The following VPS13B variants were observed in gnomAD, a reference collection of about 807,000 sequenced individuals.
VPS13B encodes intermembrane lipid transfer protein VPS13B.
VPS13B carries 285 observed loss-of-function variants against 426.4 expected under a neutral mutation model. The observed-to-expected ratio is 0.67, with a 90% CI of 0.61 to 0.74. The LOEUF (loss-of-function observed/expected upper bound fraction) is 0.74, where lower values mean the gene tolerates loss of function less well. Among genes scored for constraint, VPS13B ranks in the 30% least tolerant of loss-of-function variants. The pLI is 0.00. For missense variants in VPS13B, 4,537 were observed against 4,782.6 expected (o/e 0.95, Z 1.51); for synonymous variants, 1,676 against 1,676.4 (o/e 1.00, Z 0.01).
chr8:99,522,807 A>G lies in VPS13B; in HGVS notation c.4745+1797A>G, dbSNP rs192148604. Reference sequence around the variant, plus strand: ...CTACATAAACAAACTAACAAAAGGTATTCATATAAGAGTTTATCAAAAATG... The same window carrying G: ...CTACATAAACAAACTAACAAAAGGTGTTCATATAAGAGTTTATCAAAAATG... On this transcript the variant is annotated intron_variant, in intron 30 of 61. Transcript: ENST00000357162. 1.9e-4 allele frequency among the ~76,000 whole-genome samples: 29 copies of G among 152,370 alleles called. 1 individual carries two copies. In the East Asian group the frequency reaches 4.6e-3, roughly 24 times the overall value.
At chr8:99,809,973 G>A (rs1411374665) in intron 44 of VPS13B, among the ~76,000 whole-genome samples, 2 of 152,190 alleles carry the variant, frequency 1.3e-5, no homozygotes, top group East Asian at 3.9e-4. Flanking sequence ...TCCCATGACA[G>A]AGTGGGCCTG....
chr8:99,789,245 C>T (rs541416940), intron 43 of VPS13B, among the ~76,000 whole-genome samples: 1 of 152,146 alleles, frequency 6.6e-6, no homozygotes, highest in African/African-American at 2.4e-5. Context: ...CTATGCTTTA[C>T]AAATCCGTTT....
rs372593334 is a variant in VPS13B, at chr8:99,143,093, G to C, written c.1771G>C (p.Val591Leu). 6.2e-7 allele frequency: 1 copy of C among 1,614,054 alleles called. No homozygotes were observed. Among genetic ancestry groups the C allele is most frequent in the Admixed American group, 1.7e-5 (1 of 60,028 alleles). Residue 591 changes from valine to leucine, a missense_variant, in exon 13 of 62, where the codon GTG (valine) becomes CTG (leucine). Transcript: ENST00000357162. ...PLDFRLDSSA[V>L]HRILKMIVCA... ...TGATTTTCGTTTGGATAGCAGTGCG[G>C]TGCATAGGATTTTGAAAATGATTGT... is the stretch of plus-strand genomic sequence containing the variant.
At chr8:99,425,899 T>A (rs551032265) in intron 21 of VPS13B, among the ~76,000 whole-genome samples, 1 of 151,944 alleles carries the variant, frequency 6.6e-6, no homozygotes, top group African/African-American at 2.4e-5. Context: ...GCATTCTGTT[T>A]TTTGTTTTTT....
intron 19 of VPS13B, among the ~76,000 whole-genome samples, chr8:99,301,087 T>C (rs1262532836): frequency 6.6e-6 from 1 of 151,730 alleles, no homozygotes; most frequent in Non-Finnish European, 1.5e-5. Context: ...GTGGTGTGCA[T>C]GCCTGAAGTC....
At chr8:99,332,278 TA>T (rs1262388945) in intron 19 of VPS13B, among the ~76,000 whole-genome samples, 1 of 151,636 alleles carries the variant, frequency 6.6e-6, no homozygotes, top group Non-Finnish European at 1.5e-5. Flanking sequence ...AATGGCTAAA[TA>T]GTAAACCTGA....
At chr8:99,318,379 G>A in intron 19 of VPS13B, among the ~76,000 whole-genome samples, 1 of 151,688 alleles carries the variant, frequency 6.6e-6, no homozygotes, top group African/African-American at 2.4e-5. Context: ...CCTCTTTATG[G>A]TACTTCCAGT....
At position 99,644,058 on chromosome 8, in the gene VPS13B, C is replaced by G. The variant is rs113717857; in HGVS notation, c.5908+1560C>G. Among the ~76,000 whole-genome samples the G allele has an allele frequency of 1.6e-3, 251 of 152,186 alleles. 1 individual carries two copies. The highest frequency in any genetic ancestry group is 5.8e-3 in the African/African-American group (241 of 41,516). ...TACAGTCGCTCTATAGGTGGGTGGC[C>G]CGTACTAAAAATCATCAGGAGAGGC... On this transcript the variant is annotated intron_variant, in intron 34 of 61. Transcript: ENST00000357162.
intron 29 of VPS13B, among the ~76,000 whole-genome samples, chr8:99,515,092 A>T (rs1821985455): frequency 6.6e-6 from 1 of 152,204 alleles, no homozygotes; most frequent in African/African-American, 2.4e-5. Context: ...GTTTATTGAA[A>T]CAAGTTATGT....
chr8:99,637,215 A>G (rs1378089086), intron 33 of VPS13B, among the ~76,000 whole-genome samples: 1 of 152,090 alleles, frequency 6.6e-6, no homozygotes, highest in Non-Finnish European at 1.5e-5. Context: ...ATAATTAATT[A>G]TAAAACTTTT....
At chr8:99,429,228 T>C (rs1437781860) in intron 21 of VPS13B, among the ~76,000 whole-genome samples, 1 of 149,604 alleles carries the variant, frequency 6.7e-6, no homozygotes, top group Admixed American at 6.7e-5. Context: ...CATATATACA[T>C]ATGTAACAAA....
At chr8:99,698,552 C>T (rs1832130661) in intron 35 of VPS13B, among the ~76,000 whole-genome samples, 1 of 152,184 alleles carries the variant, frequency 6.6e-6, no homozygotes, top group Non-Finnish European at 1.5e-5. Flanking sequence ...TGATTTATAA[C>T]TTAATAATAA....
At chr8:99,582,803 C>T (rs1826131883) in intron 33 of VPS13B, among the ~76,000 whole-genome samples, 1 of 152,028 alleles carries the variant, frequency 6.6e-6, no homozygotes, top group Admixed American at 6.6e-5. Flanking sequence ...CTAGAGGCGC[C>T]CGCCACCACG....
In VPS13B at chr8:99,784,314, G is replaced by A; in HGVS notation, c.7780-1G>A. On this transcript the variant is annotated splice_acceptor_variant, in intron 42 of 61. Coordinates refer to ENST00000357162, the MANE Select transcript of VPS13B (RefSeq NM_152564.5). LOFTEE classifies it high-confidence loss of function. Reference sequence around the variant, plus strand: ...TGGCTTTCGTATCCTTTTTCTTTCAGAACAAATGCCCTGAGGTAGAGGAGT... The same window carrying A: ...TGGCTTTCGTATCCTTTTTCTTTCAAAACAAATGCCCTGAGGTAGAGGAGT... 1 of 1,613,536 alleles carries A rather than the reference G, an allele frequency of 6.2e-7. No homozygotes were observed. The highest frequency in any genetic ancestry group is 8.5e-7 in the Non-Finnish European group (1 of 1,179,604).
At chr8:99,301,761 G>A (rs891861066) in intron 19 of VPS13B, among the ~76,000 whole-genome samples, 6 of 152,118 alleles carry the variant, frequency 3.9e-5, no homozygotes, top group Non-Finnish European at 5.9e-5. Context: ...ATGGATATAC[G>A]TTTGTGTTTT....
chr8:99,312,813 C>T (rs1821082727), intron 19 of VPS13B, among the ~76,000 whole-genome samples: 1 of 152,216 alleles, frequency 6.6e-6, no homozygotes, highest in Admixed American at 6.5e-5. Flanking sequence ...ACCAATCAGA[C>T]ATAGATTTGG....
intron 41 of VPS13B, among the ~76,000 whole-genome samples, chr8:99,777,733 A>G (rs1194418492): frequency 6.6e-6 from 1 of 152,198 alleles, no homozygotes; most frequent in Non-Finnish European, 1.5e-5. Context: ...ATTAATTTAA[A>G]GGGGTATCAT....
rs1816420784 is a variant in VPS13B, at chr8:99,853,927, T to C, written c.10538T>C (p.Val3513Ala). 2 of 1,614,262 alleles carry C rather than the reference T, an allele frequency of 1.2e-6. No individual in the cohort carries two copies. Among genetic ancestry groups the C allele is most frequent in the Non-Finnish European group, 8.5e-7 (1 of 1,180,056 alleles). The change falls in exon 56 of 62, where the codon GTA becomes GCA. Residue 3513 changes from valine (V) to alanine (A), a missense_variant. Around this residue, in one of 2 missense-constraint regions of VPS13B, gnomAD observed 4,311 missense variants for 4,474.3 expected, o/e 0.96. Coordinates refer to ENST00000357162, the MANE Select transcript of VPS13B (RefSeq NM_152564.5). ...PARLYVEDTF[V>A]YYIKTLFDTY... ...CGGTTATACGTGGAAGACACATTTGTATACTACATCAAGACTTTGTTTGAC... is the reference window on the plus strand; with the variant it reads ...CGGTTATACGTGGAAGACACATTTGCATACTACATCAAGACTTTGTTTGAC...
intron 16 of VPS13B, among the ~76,000 whole-genome samples, chr8:99,174,976 T>A (rs1336473991): frequency 6.6e-6 from 1 of 152,204 alleles, no homozygotes; most frequent in East Asian, 1.9e-4. Context: ...TTTTTTATGT[T>A]TCAGTGAATG....
Sources: gnomAD v4.1 joint callset for allele counts (sites outside exome capture counted in the v4.1 genomes callset) on GRCh38, gnomAD v4.1.1 for gene constraint, gnomAD v4.1.1 regional missense constraint, MANE v1.5 for transcripts, NCBI Gene and HGNC (gene_info 2026-07-23, HGNC 2026-07-21) for gene names.